Variants in LYPD6B observed in about 807,000 individuals in gnomAD.
LYPD6B encodes the protein ly6/PLAUR domain-containing protein 6B.
Under a neutral mutation model 22.8 loss-of-function variants are expected in LYPD6B, and 17 were observed. The ratio of observed to expected loss-of-function variants is 0.75; its 90% CI spans 0.51 to 1.12. The LOEUF is 1.12. LYPD6B is among the 50% of genes most tolerant of loss of function. The pLI is 0.00. For synonymous variants in LYPD6B, 106 were observed against 91.6 expected, an observed-to-expected ratio of 1.16 and a Z score of -0.90; for missense variants, 221 against 258.3, an observed-to-expected ratio of 0.86 and a Z score of 0.99.
chr2:149,088,865 C>T lies in LYPD6B; in HGVS notation c.-66-42018C>T, dbSNP rs1558990778. Among the ~76,000 whole-genome samples the T allele has an allele frequency of 2.6e-5, 4 of 152,104 alleles. No homozygotes were observed. In the South Asian group the frequency reaches 8.3e-4, roughly 32 times the overall value. On this transcript the variant is annotated intron_variant, in intron 1 of 6. Coordinates refer to ENST00000409642, the MANE Select transcript of LYPD6B (RefSeq NM_177964.5). Reference sequence around the variant, plus strand: ...TGTGAAATTCTCCTGTTAAAGGTTTCATAAAATACACAATTTGAGCCTTTG... The same window carrying T: ...TGTGAAATTCTCCTGTTAAAGGTTTTATAAAATACACAATTTGAGCCTTTG...
At chr2:149,045,053 A>G (rs961729994) in intron 1 of LYPD6B, among the ~76,000 whole-genome samples, 2 of 151,992 alleles carry the variant, frequency 1.3e-5, no homozygotes, top group Non-Finnish European at 2.9e-5. Flanking sequence ...ATTTGGTCCT[A>G]GAGTTTTCTT....
intron 1 of LYPD6B, among the ~76,000 whole-genome samples, chr2:149,070,702 A>C (rs1217617730): frequency 6.8e-6 from 1 of 146,378 alleles, no homozygotes. Context: ...TGTATAGAAC[A>C]GCCTGTGATT....
At chr2:149,065,232 G>A (rs1684268919) in intron 1 of LYPD6B, among the ~76,000 whole-genome samples, 2 of 152,186 alleles carry the variant, frequency 1.3e-5, no homozygotes, top group African/African-American at 2.4e-5. Flanking sequence ...GAAACAATGT[G>A]TGTTTGAAAA....
At chr2:149,041,825 G>T (rs1683100904) in intron 1 of LYPD6B, among the ~76,000 whole-genome samples, 1 of 152,164 alleles carries the variant, frequency 6.6e-6, no homozygotes, top group Non-Finnish European at 1.5e-5. Context: ...AGTAAATCTT[G>T]GTCCAATTCC....
intron 1 of LYPD6B, among the ~76,000 whole-genome samples, chr2:149,105,757 A>G (rs946298684): frequency 6.6e-6 from 1 of 152,094 alleles, no homozygotes; most frequent in African/African-American, 2.4e-5. Flanking sequence ...CAATAAAGAT[A>G]GTTTTACTTC....
intron 1 of LYPD6B, among the ~76,000 whole-genome samples, chr2:149,075,630 T>G (rs1454772382): frequency 6.6e-6 from 1 of 152,162 alleles, no homozygotes; most frequent in African/African-American, 2.4e-5. Context: ...GGGCAGAAGT[T>G]AGAAGAACCT....
At chr2:149,182,570 A>G (rs1370717239) in intron 3 of LYPD6B, among the ~76,000 whole-genome samples, 1 of 152,182 alleles carries the variant, frequency 6.6e-6, no homozygotes, top group Non-Finnish European at 1.5e-5. Context: ...TGGGTGAGAT[A>G]CTCTCTTGAA....
chr2:149,160,809 C>G lies in LYPD6B; in HGVS notation c.51C>G (p.Ser17Arg), dbSNP rs1037585714. The G allele has an allele frequency of 9.6e-6, 15 of 1,555,440 alleles. No homozygotes were observed. Among genetic ancestry groups the G allele is most frequent in the Non-Finnish European group, 1.3e-5 (15 of 1,148,344 alleles). Reference protein sequence around the residue: ...SANLFTVPERSLTTTFSFSRY... With the variant: ...SANLFTVPERRLTTTFSFSRY... Reference sequence around the variant, plus strand: ...ACCTTTTCACTGTTCCAGAGAGGAGCCTGACAACCACATTCTCCTTCTCAA... The same window carrying G: ...ACCTTTTCACTGTTCCAGAGAGGAGGCTGACAACCACATTCTCCTTCTCAA... The change falls in exon 3 of 7, where the codon AGC becomes AGG. Residue 17 changes from serine to arginine, a missense_variant. By Grantham distance (110) the Ser-to-Arg change is moderately radical (BLOSUM62 -1). Coordinates refer to ENST00000409642, the MANE Select transcript of LYPD6B (RefSeq NM_177964.5).
chr2:149,053,575 A>G (rs533041965), intron 1 of LYPD6B, among the ~76,000 whole-genome samples: 2 of 152,320 alleles, frequency 1.3e-5, no homozygotes, highest in African/African-American at 4.8e-5. Flanking sequence ...TTATTATTTA[A>G]TTGAGATATA....
chr2:149,054,642 G>A (rs1404931658), intron 1 of LYPD6B, among the ~76,000 whole-genome samples: 2 of 152,220 alleles, frequency 1.3e-5, no homozygotes, highest in East Asian at 1.9e-4. Flanking sequence ...TGAGTAAGCC[G>A]AGGTGGCAGG....
chr2:149,120,383 A>ATATATATTTTTTTTTTTTTT (rs1327065975), intron 1 of LYPD6B, among the ~76,000 whole-genome samples: 1 of 48,610 alleles, frequency 2.1e-5, no homozygotes, highest in African/African-American at 1.1e-4. Context: ...ATATATATAT[A>ATATATATTTTTTTTTTTTTT]TTTTTTTTTT....
chr2:149,062,278 CG>C (rs1684123703), intron 1 of LYPD6B, among the ~76,000 whole-genome samples: 1 of 152,168 alleles, frequency 6.6e-6, no homozygotes, highest in Admixed American at 6.5e-5. Flanking sequence ...TGAGCCACCG[CG>C]CCCGGCAGAA....
chr2:149,056,337 G>A (rs1683790617), intron 1 of LYPD6B, among the ~76,000 whole-genome samples: 1 of 152,096 alleles, frequency 6.6e-6, no homozygotes, highest in African/African-American at 2.4e-5. Flanking sequence ...ATGGAGGGGA[G>A]ACACACAGGG....
Position 149,144,591 on chromosome 2 carries a change from C to A in LYPD6B, c.5+13638C>A, listed in dbSNP as rs1427284283. On this transcript the variant is annotated intron_variant, in intron 2 of 6. Transcript: ENST00000409642. The stretch of plus-strand genomic sequence containing the variant: ...ATTTTTAGTACAGACAAGGTTTCAC[C>A]ATGTTGGCCCTACTGGTTTTGAACT... 2.0e-5 allele frequency among the ~76,000 whole-genome samples: 3 copies of A among 152,112 alleles called. 1 individual carries two copies. Among genetic ancestry groups the A allele is most frequent in the African/African-American group, 7.2e-5 (3 of 41,394 alleles).
At chr2:149,128,959 A>G (rs540667002) in intron 1 of LYPD6B, among the ~76,000 whole-genome samples, 1 of 152,348 alleles carries the variant, frequency 6.6e-6, no homozygotes, top group African/African-American at 2.4e-5. Flanking sequence ...AACTTCACAA[A>G]TGAGAGAAAA....
rs1014189550 is a variant in LYPD6B, at chr2:149,088,172, A to T, written c.-66-42711A>T. 2.1e-5 allele frequency among the ~76,000 whole-genome samples: 3 copies of T among 145,688 alleles called. No individual in the cohort carries two copies. The Admixed American group carries it at 2.1e-4, about 10-fold the overall frequency. On this transcript the variant is annotated intron_variant, in intron 1 of 6. Transcript: ENST00000409642. ...TCTCTGTGGGTGTCAAGTATGTCCCAAGCTTCTTCTCTGTGATGGTGAGTG... is the reference window on the plus strand; with the variant it reads ...TCTCTGTGGGTGTCAAGTATGTCCCTAGCTTCTTCTCTGTGATGGTGAGTG...
chr2:149,051,589 T>G (rs1470139370), intron 1 of LYPD6B, among the ~76,000 whole-genome samples: 1 of 152,198 alleles, frequency 6.6e-6, no homozygotes, highest in African/African-American at 2.4e-5. Context: ...GGTAGCTGAA[T>G]CTCTGAGCAC....
chr2:149,103,852 C>T (rs906901232), intron 1 of LYPD6B, among the ~76,000 whole-genome samples: 1 of 141,938 alleles, frequency 7.0e-6, no homozygotes, highest in African/African-American at 2.7e-5. Flanking sequence ...TCTCAGATCA[C>T]CGCAACTTCT....
chr2:149,138,804 T>C (rs1688517153), intron 2 of LYPD6B, among the ~76,000 whole-genome samples: 1 of 152,172 alleles, frequency 6.6e-6, no homozygotes, highest in African/African-American at 2.4e-5. Context: ...TACCTTGGCC[T>C]CCCAAAGTGC....
Sources: allele counts gnomAD v4.1 joint callset (sites outside exome capture counted in the v4.1 genomes callset), GRCh38; gene constraint gnomAD v4.1.1; transcripts MANE v1.5; gene names NCBI Gene and HGNC (gene_info 2026-07-23, HGNC 2026-07-21).